ROBO1: variants seen among roughly 807,000 people sequenced by gnomAD.
The protein encoded by ROBO1 is roundabout guidance receptor 1.
In ROBO1, 149 loss-of-function variants were observed where a neutral mutation model predicts 195.9. That is an observed-to-expected ratio of 0.76 (90% confidence interval 0.67 to 0.87). ROBO1 has a LOEUF of 0.87. Ranked by LOEUF, ROBO1 falls within the 40% of genes least tolerant of loss-of-function variation. ROBO1 has a pLI of 0.00. For missense variants in ROBO1, 1,933 were observed against 2,068.3 expected (o/e 0.93, Z 1.27); for synonymous variants, 816 against 733.2 (o/e 1.11, Z -1.82).
intron 3 of ROBO1, among the ~76,000 whole-genome samples, chr3:79,119,228 C>G (rs561262328): frequency 6.6e-6 from 1 of 152,252 alleles, no homozygotes; most frequent in East Asian, 1.9e-4. Flanking sequence ...TTAAACTGTT[C>G]TTCACAGACT....
At chr3:78,927,142 T>C (rs952018291) in intron 4 of ROBO1, among the ~76,000 whole-genome samples, 15 of 152,186 alleles carry the variant, frequency 9.9e-5, no homozygotes, top group African/African-American at 3.6e-4. Context: ...AAGCATCTCT[T>C]TGGAAAATGT....
chr3:78,631,197 C>G lies in ROBO1; in HGVS notation c.3590G>C (p.Ser1197Thr), dbSNP rs1705160744. 6.2e-7 allele frequency: 1 copy of G among 1,612,664 alleles called. No individual in the cohort carries two copies. Among genetic ancestry groups the G allele is most frequent in the Non-Finnish European group, 8.5e-7 (1 of 1,179,308 alleles). The change falls in exon 25 of 31, where the codon AGC (serine) becomes ACC (threonine). Residue 1197 changes from serine to threonine, a missense_variant. By Grantham distance (58) the Ser-to-Thr change is moderately conservative (BLOSUM62 1). Coordinates refer to ENST00000464233, the MANE Select transcript of ROBO1 (RefSeq NM_002941.4). ...AGAAATGTTGTACTCTTCGCTATTG[C>G]TGTGTGGAGGAGGATGTGCTGGGGG... ...PPPPAHPPPHSNSEEYNISVD... is the reference protein window; with the variant it reads ...PPPPAHPPPHTNSEEYNISVD...
At chr3:79,100,323 G>C (rs1257564453) in intron 3 of ROBO1, among the ~76,000 whole-genome samples, 1 of 151,764 alleles carries the variant, frequency 6.6e-6, no homozygotes, top group Non-Finnish European at 1.5e-5. Context: ...GAGAAGTAGT[G>C]TTTCCAATGT....
At chr3:78,829,162 A>C (rs973990780) in intron 4 of ROBO1, among the ~76,000 whole-genome samples, 4 of 152,184 alleles carry the variant, frequency 2.6e-5, no homozygotes, top group African/African-American at 4.8e-5. Context: ...ATGTAGGATA[A>C]TAAATTTGTA....
intron 2 of ROBO1, among the ~76,000 whole-genome samples, chr3:79,300,578 C>T (rs1388118776): frequency 2.0e-5 from 3 of 152,312 alleles, no homozygotes; most frequent in African/African-American, 7.2e-5. Flanking sequence ...CCAGTCCCAT[C>T]GACCACCCAA....
chr3:78,688,634 GA>G lies in ROBO1; in HGVS notation c.1170+13del. ...TTGCTGATTTAAAAAAAAAAAGTTA[GA>G]AAAAGGTGGTACCTGACTCCCTTCT... On this transcript the variant is annotated intron_variant, in intron 9 of 30. Coordinates refer to ENST00000464233, the MANE Select transcript of ROBO1 (RefSeq NM_002941.4). 2 of 1,554,306 alleles carry G rather than the reference GA, an allele frequency of 1.3e-6. No individual in the cohort carries two copies. The highest frequency in any genetic ancestry group is 8.7e-7 in the Non-Finnish European group (1 of 1,155,442).
intron 4 of ROBO1, among the ~76,000 whole-genome samples, chr3:78,914,475 A>G (rs1263823672): frequency 2.6e-5 from 4 of 151,974 alleles, no homozygotes; most frequent in African/African-American, 9.7e-5. Context: ...ATCTGTGTAT[A>G]TTTAGTATAC....
intron 3 of ROBO1, chr3:79,019,349 G>GA (rs2078046103): frequency 2.0e-6 from 2 of 985,736 alleles, no homozygotes; most frequent in Admixed American, 6.1e-5. Context: ...GAAGGGCAGA[G>GA]AGGATGCTGC....
chr3:78,945,060 C>T (rs1365610301), intron 3 of ROBO1, among the ~76,000 whole-genome samples: 1 of 152,200 alleles, frequency 6.6e-6, no homozygotes, highest in African/African-American at 2.4e-5. Flanking sequence ...CTCAAGGAGG[C>T]CTGCCTGCCC....
intron 3 of ROBO1, among the ~76,000 whole-genome samples, chr3:78,945,302 G>T (rs1383699622): frequency 6.6e-6 from 1 of 152,104 alleles, no homozygotes; most frequent in Non-Finnish European, 1.5e-5. Flanking sequence ...ACACGGCCGG[G>T]TACTACTCTG....
chr3:79,765,834 C>G (rs1254307306), intron 1 of ROBO1, among the ~76,000 whole-genome samples: 1 of 152,136 alleles, frequency 6.6e-6, no homozygotes, highest in Non-Finnish European at 1.5e-5. Flanking sequence ...TGCATCTACG[C>G]TCCTTCCTCT....
chr3:79,584,677 A>C (rs1943771889), intron 2 of ROBO1, among the ~76,000 whole-genome samples: 1 of 144,632 alleles, frequency 6.9e-6, no homozygotes, highest in African/African-American at 2.7e-5. Context: ...GTACACACAT[A>C]CACACACTCA....
At chr3:79,102,342 A>G (rs1284238508) in intron 3 of ROBO1, among the ~76,000 whole-genome samples, 1 of 151,766 alleles carries the variant, frequency 6.6e-6, no homozygotes, top group African/African-American at 2.4e-5. Flanking sequence ...TTATCATAGC[A>G]TCATGATTAT....
chr3:79,476,573 T>C (rs1192762654), intron 2 of ROBO1, among the ~76,000 whole-genome samples: 1 of 152,086 alleles, frequency 6.6e-6, no homozygotes, highest in African/African-American at 2.4e-5. Context: ...CATGGAATAC[T>C]ACTCAGCCAT....
intron 2 of ROBO1, among the ~76,000 whole-genome samples, chr3:79,297,241 T>A (rs1331336738): frequency 6.6e-6 from 1 of 152,158 alleles, no homozygotes; most frequent in East Asian, 1.9e-4. Flanking sequence ...GAACTCAATT[T>A]CCTTTTAAGT....
rs117863014 is a variant in ROBO1, at chr3:79,462,762, C to T, written c.88+127062G>A. 3.0e-4 allele frequency among the ~76,000 whole-genome samples: 45 copies of T among 152,156 alleles called. No homozygotes were observed. The East Asian group carries it at 7.7e-3, about 26-fold the overall frequency. The stretch of plus-strand genomic sequence containing the variant: ...CTCTAATCATCTTGTATTTTTTGTA[C>T]CTGTCTGATTTTATCATGTAGTTAG... On this transcript the variant is annotated intron_variant, in intron 2 of 30. Coordinates refer to ENST00000464233, the MANE Select transcript of ROBO1 (RefSeq NM_002941.4).
At chr3:79,114,908 A>G (rs1304829884) in intron 3 of ROBO1, among the ~76,000 whole-genome samples, 1 of 152,206 alleles carries the variant, frequency 6.6e-6, no homozygotes, top group Non-Finnish European at 1.5e-5. Flanking sequence ...GCCTCAGGAA[A>G]TATAATTGTT....
rs144111553 is a variant in ROBO1 at position 78,721,600 on chromosome 3, T to C, written c.658-3717A>G. ...ACATAATTTAACATTCTCTTTGTTT[T>C]AAGAGTGAGTAAGTGTTCAATGTTT... is the stretch of plus-strand genomic sequence containing the variant. On this transcript the variant is annotated intron_variant, in intron 5 of 30. Coordinates refer to ENST00000464233, the MANE Select transcript of ROBO1 (RefSeq NM_002941.4). Among the ~76,000 whole-genome samples the C allele has an allele frequency of 1.4e-4, 22 of 152,300 alleles. No homozygotes were observed. The East Asian group carries it at 3.5e-3, about 24-fold the overall frequency.
chr3:79,007,839 A>G (rs1323089610), intron 3 of ROBO1, among the ~76,000 whole-genome samples: 2 of 152,200 alleles, frequency 1.3e-5, no homozygotes, highest in Admixed American at 1.3e-4. Flanking sequence ...TTTACCATAA[A>G]TTCCTTAAGC....
Sources: gnomAD v4.1 joint callset for allele counts (sites outside exome capture counted in the v4.1 genomes callset) on GRCh38, gnomAD v4.1.1 for gene constraint, MANE v1.5 for transcripts, NCBI Gene and HGNC (gene_info 2026-07-23, HGNC 2026-07-21) for gene names.